Variants in MAGI2 observed in about 807,000 individuals in gnomAD.
MAGI2 encodes membrane-associated guanylate kinase, WW and PDZ domain-containing protein 2.
A neutral mutation model predicts 133.3 loss-of-function variants in MAGI2; 35 were observed. That is an observed-to-expected ratio of 0.26 (90% CI 0.20 to 0.35). MAGI2 has a LOEUF of 0.35. Among genes scored for constraint, MAGI2 ranks in the 10% least tolerant of loss-of-function variants. The pLI is 1.00. For synonymous variants in MAGI2, 729 were observed against 710.6 expected, an observed-to-expected ratio of 1.03 and a Z score of -0.41; for missense variants, 1,636 against 1,863.4, an observed-to-expected ratio of 0.88 and a Z score of 2.25.
At chr7:78,686,560 GA>G (rs5885089) in intron 2 of MAGI2, among the ~76,000 whole-genome samples, 3,907 of 136,550 alleles carry the variant, frequency 0.029, 103 homozygotes, top group African/African-American at 0.082. Context: ...GAGGAAAGTG[GA>G]AAAAAAAAAA....
At chr7:79,438,425 G>A (rs986564387) in intron 1 of MAGI2, among the ~76,000 whole-genome samples, 1 of 152,014 alleles carries the variant, frequency 6.6e-6, no homozygotes, top group Non-Finnish European at 1.5e-5. Flanking sequence ...CTTATGAATA[G>A]TTATGTGCAT....
chr7:78,905,813 G>A (rs1272105520), intron 2 of MAGI2, among the ~76,000 whole-genome samples: 1 of 152,176 alleles, frequency 6.6e-6, no homozygotes, highest in East Asian at 1.9e-4. Context: ...TGGAGGTAAG[G>A]GGTCACATAC....
rs558225151 is a variant in MAGI2 at position 78,677,413 on chromosome 7, A to AT, written c.419-50175dup. ...TTTTAAATGACATATATTAAAGTAT[A>AT]TTTTTTATGCTTTCTTTTCAGTTAA... On this transcript the variant is annotated intron_variant, in intron 2 of 21. Coordinates refer to ENST00000354212, the MANE Select transcript of MAGI2 (RefSeq NM_012301.4). 2.6e-3 allele frequency among the ~76,000 whole-genome samples: 400 copies of AT among 151,988 alleles called. 1 individual carries two copies. Among genetic ancestry groups the AT allele is most frequent in the Middle Eastern group, 0.017 (5 of 294 alleles).
intron 2 of MAGI2, among the ~76,000 whole-genome samples, chr7:78,798,206 G>T (rs1787771636): frequency 1.3e-5 from 2 of 152,138 alleles, no homozygotes; most frequent in South Asian, 4.1e-4. Flanking sequence ...TAATAGTTGT[G>T]AAAACTATGT....
At chr7:78,993,811 A>T (rs1242756936) in intron 2 of MAGI2, among the ~76,000 whole-genome samples, 1 of 152,022 alleles carries the variant, frequency 6.6e-6, no homozygotes, top group Admixed American at 6.6e-5. Flanking sequence ...TTGCTTCGTG[A>T]AATAGAAAGA....
chr7:78,938,314 ATAT>A (rs1391215242), intron 2 of MAGI2, among the ~76,000 whole-genome samples: 11 of 152,144 alleles, frequency 7.2e-5, no homozygotes, highest in Non-Finnish European at 2.9e-5. Context: ...ATGGGAAAAG[ATAT>A]TATATAACGA....
At chr7:78,776,144 A>G (rs974370811) in intron 2 of MAGI2, among the ~76,000 whole-genome samples, 1 of 152,230 alleles carries the variant, frequency 6.6e-6, no homozygotes, top group Non-Finnish European at 1.5e-5. Context: ...GCCTAGAACT[A>G]TTATGTTCTC....
rs949973929 is a variant in MAGI2 at position 79,175,680 on chromosome 7, G to T, written c.302-168474C>A. ...CCTACTACATACCTAGGCTATGTAGGATAGCCTATTGCTCCTAAGCTACAA... is the reference window on the plus strand; with the variant it reads ...CCTACTACATACCTAGGCTATGTAGTATAGCCTATTGCTCCTAAGCTACAA... On this transcript the variant is annotated intron_variant, in intron 1 of 21. Coordinates refer to ENST00000354212, the MANE Select transcript of MAGI2 (RefSeq NM_012301.4). Among the ~76,000 whole-genome samples the T allele has an allele frequency of 3.9e-4, 60 of 151,988 alleles. 2 individuals carry two copies. The highest frequency in any genetic ancestry group is 1.4e-3 in the African/African-American group (58 of 41,320).
At chr7:78,204,404 A>G (rs1471302335) in intron 10 of MAGI2, among the ~76,000 whole-genome samples, 3 of 152,186 alleles carry the variant, frequency 2.0e-5, no homozygotes, top group East Asian at 1.9e-4. Flanking sequence ...ACCCATTTTC[A>G]TAGGGAAACA....
chr7:78,088,244 A>G (rs1816833765), intron 20 of MAGI2, among the ~76,000 whole-genome samples: 3 of 152,222 alleles, frequency 2.0e-5, no homozygotes, highest in Non-Finnish European at 1.5e-5. Context: ...AATGACTTCT[A>G]TACTGACTCA....
intron 1 of MAGI2, among the ~76,000 whole-genome samples, chr7:79,059,029 A>G (rs1203066857): frequency 6.6e-6 from 1 of 152,122 alleles, no homozygotes; most frequent in Non-Finnish European, 1.5e-5. Context: ...TAACATAAAG[A>G]TATTTTTAAG....
At chr7:79,312,524 C>T (rs1473451286) in intron 1 of MAGI2, among the ~76,000 whole-genome samples, 1 of 152,142 alleles carries the variant, frequency 6.6e-6, no homozygotes, top group East Asian at 1.9e-4. Context: ...GCAACGTAGC[C>T]TCACCAACAC....
At chr7:78,581,036 G>A (rs1172837237) in intron 3 of MAGI2, among the ~76,000 whole-genome samples, 3 of 152,110 alleles carry the variant, frequency 2.0e-5, no homozygotes, top group Non-Finnish European at 4.4e-5. Context: ...TGAGTGACTA[G>A]GGATGCATAA....
At chr7:78,659,308 G>T (rs1025793415) in intron 2 of MAGI2, among the ~76,000 whole-genome samples, 1 of 151,238 alleles carries the variant, frequency 6.6e-6, no homozygotes, top group Admixed American at 6.6e-5. Flanking sequence ...AATTTTAGCT[G>T]GGTGTGGTGG....
chr7:79,441,595 C>T (rs1417741809), intron 1 of MAGI2, among the ~76,000 whole-genome samples: 1 of 151,658 alleles, frequency 6.6e-6, no homozygotes. Flanking sequence ...CAGTATTTTG[C>T]ACATTCATAT....
At chr7:78,294,745 T>C (rs1020953690) in intron 9 of MAGI2, among the ~76,000 whole-genome samples, 1 of 152,160 alleles carries the variant, frequency 6.6e-6, no homozygotes, top group Admixed American at 6.6e-5. Context: ...TACTCGGTAC[T>C]ACGCTAAGTA....
intron 2 of MAGI2, chr7:78,903,910 G>A (rs1797810208): frequency 6.6e-6 from 1 of 152,186 alleles, no homozygotes; most frequent in Non-Finnish European, 1.5e-5. Flanking sequence ...CCAAATCATT[G>A]TCTATATGTT....
intron 1 of MAGI2, among the ~76,000 whole-genome samples, chr7:79,430,295 T>TG (rs1438706359): frequency 6.6e-6 from 1 of 152,220 alleles, no homozygotes; most frequent in African/African-American, 2.4e-5. Flanking sequence ...TATAGCTACA[T>TG]GGGGAAAAAA....
At chr7:79,401,805 C>T (rs1845489270) in intron 1 of MAGI2, among the ~76,000 whole-genome samples, 1 of 151,946 alleles carries the variant, frequency 6.6e-6, no homozygotes, top group African/African-American at 2.4e-5. Context: ...TGGGCCTCCA[C>T]ACGTGATGAA....
Sources: gnomAD v4.1 joint callset for allele counts (sites outside exome capture counted in the v4.1 genomes callset) on GRCh38, gnomAD v4.1.1 for gene constraint, MANE v1.5 for transcripts, NCBI Gene and HGNC (gene_info 2026-07-23, HGNC 2026-07-21) for gene names.